WDR72: variants seen among roughly 807,000 people sequenced by gnomAD.
The protein encoded by WDR72 is WD repeat-containing protein 72.
Under a neutral mutation model 124.2 loss-of-function variants are expected in WDR72, and 120 were observed. That is an observed-to-expected ratio of 0.97 (90% confidence interval 0.83 to 1.12). The LOEUF is 1.12. Among genes scored for constraint, WDR72 ranks in the 50% most tolerant of loss-of-function variants. The pLI, the probability that WDR72 is intolerant of heterozygous loss-of-function variation, is 0.00. For missense variants in WDR72, 1,387 were observed against 1,278.8 expected (o/e 1.08, Z -1.29); for synonymous variants, 452 against 441.7 (o/e 1.02, Z -0.29).
chr15:53,704,499 T>C (rs2017279158), intron 11 of WDR72, among the ~76,000 whole-genome samples: 1 of 151,546 alleles, frequency 6.6e-6, no homozygotes, highest in Non-Finnish European at 1.5e-5. Context: ...TTGTGTAGCC[T>C]TCTGCTTGAG....
chr15:53,626,285 C>T (rs56372661), intron 14 of WDR72, among the ~76,000 whole-genome samples: 10,315 of 152,174 alleles, frequency 0.068, 1,142 homozygotes, highest in African/African-American at 0.24. Flanking sequence ...GGAAGAGAAC[C>T]GTGGGACCCA....
intron 18 of WDR72, among the ~76,000 whole-genome samples, chr15:53,533,842 T>C (rs1425185138): frequency 1.3e-5 from 2 of 152,176 alleles, no homozygotes; most frequent in Non-Finnish European, 2.9e-5. Context: ...TAGCTGAAAT[T>C]TCACCTTTCT....
chr15:53,630,100 G>C (rs1207115033), intron 14 of WDR72, among the ~76,000 whole-genome samples: 1 of 151,756 alleles, frequency 6.6e-6, no homozygotes, highest in South Asian at 2.1e-4. Flanking sequence ...CAGCAAATTA[G>C]GAAATCAAGA....
At chr15:53,619,556 T>C (rs775533536) in intron 14 of WDR72, among the ~76,000 whole-genome samples, 3 of 151,806 alleles carry the variant, frequency 2.0e-5, no homozygotes, top group Non-Finnish European at 4.4e-5. Context: ...TTTTATTCTC[T>C]TCTTGTGTGA....
At chr15:53,604,555 T>C (rs1595787787) in intron 17 of WDR72, among the ~76,000 whole-genome samples, 2 of 152,106 alleles carry the variant, frequency 1.3e-5, no homozygotes, top group African/African-American at 4.8e-5. Flanking sequence ...ACCTGCAGAA[T>C]GGGAGAAAAT....
chr15:53,740,853 A>G (rs2018490581), intron 1 of WDR72, among the ~76,000 whole-genome samples: 1 of 152,198 alleles, frequency 6.6e-6, no homozygotes, highest in Non-Finnish European at 1.5e-5. Flanking sequence ...TTCCTCATCT[A>G]TAATATGTGA....
intron 18 of WDR72, among the ~76,000 whole-genome samples, chr15:53,564,336 A>G (rs1429540040): frequency 2.0e-5 from 3 of 151,970 alleles, no homozygotes; most frequent in Admixed American, 2.0e-4. Context: ...AAATTTTTAC[A>G]TTTAAACAAT....
intron 18 of WDR72, among the ~76,000 whole-genome samples, chr15:53,551,514 G>A (rs980095728): frequency 1.2e-4 from 18 of 152,116 alleles, no homozygotes; most frequent in Non-Finnish European, 2.2e-4. Flanking sequence ...CGTAAAGGAA[G>A]AAAGTCATAT....
chr15:53,709,645 T>A (rs531049464), intron 9 of WDR72, among the ~76,000 whole-genome samples: 3 of 152,220 alleles, frequency 2.0e-5, no homozygotes, highest in Non-Finnish European at 4.4e-5. Flanking sequence ...GCCCCAATAC[T>A]GTTTTTGTGA....
chr15:53,540,271 C>G (rs1893010203), intron 18 of WDR72, among the ~76,000 whole-genome samples: 1 of 152,060 alleles, frequency 6.6e-6, no homozygotes, highest in African/African-American at 2.4e-5. Flanking sequence ...ATGTAATAAT[C>G]AAACTCTAAT....
chr15:53,678,947 A>G lies in WDR72; in HGVS notation c.1766-13179T>C, dbSNP rs76743640. 2.1e-3 allele frequency among the ~76,000 whole-genome samples: 321 copies of G among 152,366 alleles called. 2 individuals carry two copies. The highest frequency in any genetic ancestry group is 7.5e-3 in the African/African-American group (312 of 41,588). ...TGAATGGATGAATAAAATGGTGTATACACCTAAAATGGAGTATCAGTCAGC... is the reference window on the plus strand; with the variant it reads ...TGAATGGATGAATAAAATGGTGTATGCACCTAAAATGGAGTATCAGTCAGC... On this transcript the variant is annotated intron_variant, in intron 13 of 19. Coordinates refer to ENST00000360509, the MANE Select transcript of WDR72 (RefSeq NM_182758.4).
chr15:53,652,686 C>T (rs560967279), intron 14 of WDR72, among the ~76,000 whole-genome samples: 34 of 152,158 alleles, frequency 2.2e-4, no homozygotes, highest in Admixed American at 2.1e-3. Flanking sequence ...TTTTTGAGTG[C>T]TTATTTTAGA....
chr15:53,594,874 G>A (rs1566975144), intron 18 of WDR72, among the ~76,000 whole-genome samples: 2 of 147,116 alleles, frequency 1.4e-5, no homozygotes, highest in East Asian at 2.0e-4. Flanking sequence ...ATTTTACTAA[G>A]TTCTTGTGAA....
chr15:53,657,263 C>CAAAAAAA lies in WDR72; in HGVS notation c.1962+8302_1962+8308dup, dbSNP rs10549551. Among the ~76,000 whole-genome samples, 469 of 56,430 alleles carry CAAAAAAA rather than the reference C, an allele frequency of 8.3e-3. 1 individual carries two copies. The highest frequency in any genetic ancestry group is 0.01 in the Admixed American group (33 of 3,184). The allele number at this position is 56,430 out of a possible 152,430, so 37.0% of individuals were successfully genotyped here. On this transcript the variant is annotated intron_variant, in intron 14 of 19. Transcript: ENST00000360509. The stretch of plus-strand genomic sequence containing the variant: ...TGGGCAAAAGAGCGAGACTCCATCT[C>CAAAAAAA]AAAAAAAAAAAAAAAAAAAAAAAAA...
chr15:53,724,850 G>T (rs1044735504), intron 2 of WDR72, among the ~76,000 whole-genome samples: 1 of 151,930 alleles, frequency 6.6e-6, no homozygotes, highest in African/African-American at 2.4e-5. Flanking sequence ...ATATAAAAAC[G>T]ACTAAAATTC....
chr15:53,611,728 C>T (rs1454449319), intron 16 of WDR72, among the ~76,000 whole-genome samples: 1 of 146,948 alleles, frequency 6.8e-6, no homozygotes, highest in Non-Finnish European at 1.5e-5. Context: ...ATCTAACTTC[C>T]TTGAGTCCCA....
intron 1 of WDR72, among the ~76,000 whole-genome samples, chr15:53,756,219 G>C (rs1219633813): frequency 6.6e-6 from 1 of 152,120 alleles, no homozygotes; most frequent in East Asian, 1.9e-4. Flanking sequence ...GTGATAGTAA[G>C]GTCTCGCGAG....
intron 14 of WDR72, among the ~76,000 whole-genome samples, chr15:53,657,019 C>T (rs984983164): frequency 6.6e-6 from 1 of 151,924 alleles, no homozygotes; most frequent in Non-Finnish European, 1.5e-5. Context: ...AATCCCAGCA[C>T]TTTGGGAGGC....
intron 13 of WDR72, among the ~76,000 whole-genome samples, chr15:53,696,580 T>A (rs1457693353): frequency 6.6e-6 from 1 of 152,244 alleles, no homozygotes; most frequent in African/African-American, 2.4e-5. Context: ...CAGCCTGTTT[T>A]GGCTTTAGTT....
Sources: gnomAD v4.1 joint callset for allele counts (sites outside exome capture counted in the v4.1 genomes callset) on GRCh38, gnomAD v4.1.1 for gene constraint, MANE v1.5 for transcripts, NCBI Gene and HGNC (gene_info 2026-07-23, HGNC 2026-07-21) for gene names.